LPCAT2: variants seen among roughly 807,000 people sequenced by gnomAD.
LPCAT2 encodes 1-AGP acyltransferase 11.
Under a neutral mutation model 64.7 loss-of-function variants are expected in LPCAT2, and 58 were observed. The observed-to-expected ratio is 0.90, with a 90% CI of 0.73 to 1.12. LPCAT2 has a LOEUF of 1.12. LPCAT2 is among the 50% of genes most tolerant of loss of function. The pLI is 0.00. For synonymous variants in LPCAT2, 252 were observed against 245.3 expected (o/e 1.03, Z -0.26); for missense variants, 579 against 669.8 (o/e 0.86, Z 1.50).
At chr16:55,515,247 T>C (rs201381503) in intron 1 of LPCAT2, among the ~76,000 whole-genome samples, 2 of 151,786 alleles carry the variant, frequency 1.3e-5, no homozygotes, top group Non-Finnish European at 1.5e-5. Flanking sequence ...TACCTATATA[T>C]AGTTACATTA....
At chr16:55,544,124 C>G (rs1851055666) in intron 8 of LPCAT2, among the ~76,000 whole-genome samples, 1 of 152,132 alleles carries the variant, frequency 6.6e-6, no homozygotes, top group Non-Finnish European at 1.5e-5. Flanking sequence ...GAAGTTACCA[C>G]TTAAAAACTT....
chr16:55,578,571 GT>G (rs1963854705), intron 12 of LPCAT2, among the ~76,000 whole-genome samples: 1 of 152,004 alleles, frequency 6.6e-6, no homozygotes, highest in East Asian at 1.9e-4. Context: ...CCTGCCTCTG[GT>G]TTTATCAACC....
At chr16:55,552,673 A>C (rs1963530766) in intron 11 of LPCAT2, among the ~76,000 whole-genome samples, 1 of 152,212 alleles carries the variant, frequency 6.6e-6, no homozygotes, top group African/African-American at 2.4e-5. Context: ...TATAATATAC[A>C]GTAGTCTAGT....
intron 11 of LPCAT2, chr16:55,567,500 C>T: frequency 6.2e-7 from 1 of 1,611,712 alleles, no homozygotes; most frequent in Admixed American, 1.7e-5. Context: ...CCATGTATTC[C>T]TGAAGTGGGA....
intron 11 of LPCAT2, among the ~76,000 whole-genome samples, chr16:55,566,053 G>A (rs184595756): frequency 1.3e-5 from 2 of 152,252 alleles, no homozygotes; most frequent in African/African-American, 2.4e-5. Flanking sequence ...TGAGATGTGT[G>A]CAGTCTGTGA....
intron 11 of LPCAT2, among the ~76,000 whole-genome samples, chr16:55,559,568 G>T (rs1462279814): frequency 6.6e-6 from 1 of 152,110 alleles, no homozygotes; most frequent in Non-Finnish European, 1.5e-5. Context: ...TGCTCATGCT[G>T]AGAGTTAGGA....
At chr16:55,544,607 G>T (rs886324590) in intron 8 of LPCAT2, among the ~76,000 whole-genome samples, 8 of 152,116 alleles carry the variant, frequency 5.3e-5, no homozygotes, top group African/African-American at 1.9e-4. Context: ...GTAACTATTG[G>T]CAAAATCTCA....
In LPCAT2 at chr16:55,537,517, A is replaced by G; in HGVS notation, c.798-61A>G. 2.3e-6 allele frequency: 3 copies of G among 1,303,510 alleles called. No individual in the cohort carries two copies. In the South Asian group the frequency reaches 3.8e-5, roughly 17 times the overall value. The allele number at this position is 1,303,510 out of a possible 1,614,324, so 80.7% of individuals were successfully genotyped here. ...TTTGTGTATAAAGAAATGATTGTTG[A>G]ATAATATAAGATGATACTTGCATGA... On this transcript the variant is annotated intron_variant, in intron 7 of 13. Coordinates refer to ENST00000262134, the MANE Select transcript of LPCAT2 (RefSeq NM_017839.5).
chr16:55,527,703 A>G (rs945545366), intron 2 of LPCAT2, among the ~76,000 whole-genome samples: 1 of 152,148 alleles, frequency 6.6e-6, no homozygotes, highest in African/African-American at 2.4e-5. Context: ...ATAATGGCAG[A>G]ATCTTTTTTA....
At chr16:55,530,810 AT>A (rs1171358543) in intron 4 of LPCAT2, among the ~76,000 whole-genome samples, 1 of 152,108 alleles carries the variant, frequency 6.6e-6, no homozygotes, top group Non-Finnish European at 1.5e-5. Context: ...AAATATATAA[AT>A]TTCAGCTCAT....
chr16:55,567,645 G>A, intron 11 of LPCAT2: 4 of 823,150 alleles, frequency 4.9e-6, no homozygotes, highest in Non-Finnish European at 7.7e-6. Flanking sequence ...CTGATCATGT[G>A]CTGCCTTTTA....
intron 8 of LPCAT2, among the ~76,000 whole-genome samples, chr16:55,544,247 G>C (rs1199220708): frequency 2.0e-5 from 3 of 152,152 alleles, no homozygotes; most frequent in East Asian, 3.9e-4. Flanking sequence ...GAAAAAAATG[G>C]TATTTTTAAC....
chr16:55,570,202 A>G (rs772793448), intron 11 of LPCAT2, among the ~76,000 whole-genome samples: 1 of 152,224 alleles, frequency 6.6e-6, no homozygotes, highest in African/African-American at 2.4e-5. Context: ...CTCTGTAACT[A>G]TGAACAGCAA....
At chr16:55,518,582 ATAT>A (rs1963046594) in intron 1 of LPCAT2, among the ~76,000 whole-genome samples, 1 of 152,248 alleles carries the variant, frequency 6.6e-6, no homozygotes, top group Admixed American at 6.5e-5. Context: ...CAAGACAGAC[ATAT>A]AGATCAATGA....
At chr16:55,541,791 T>C (rs1265988178) in intron 8 of LPCAT2, 12 of 1,067,634 alleles carry the variant, frequency 1.1e-5, no homozygotes, top group Non-Finnish European at 1.2e-5. Context: ...TGCTGGCACA[T>C]AGTAAGTGTT....
chr16:55,530,337 A>G (rs1963235162), intron 4 of LPCAT2, among the ~76,000 whole-genome samples: 1 of 152,070 alleles, frequency 6.6e-6, no homozygotes, highest in African/African-American at 2.4e-5. Flanking sequence ...GCTCAGTTAT[A>G]CTCAATATTG....
intron 9 of LPCAT2, 32 bp downstream of exon 9, chr16:55,545,849 A>G (rs775774996): frequency 6.6e-7 from 1 of 1,507,202 alleles, no homozygotes; most frequent in South Asian, 1.2e-5. Flanking sequence ...TAACTCATAA[A>G]TAATTTGAAA....
intron 9 of LPCAT2, among the ~76,000 whole-genome samples, chr16:55,546,818 A>G (rs1179321869): frequency 1.3e-5 from 2 of 152,262 alleles, no homozygotes; most frequent in African/African-American, 4.8e-5. Flanking sequence ...ATGCCAGCTT[A>G]TATCCAAAAG....
chr16:55,543,759 A>G (rs748692593), intron 8 of LPCAT2, among the ~76,000 whole-genome samples: 5 of 152,172 alleles, frequency 3.3e-5, no homozygotes, highest in Non-Finnish European at 7.4e-5. Flanking sequence ...GAGATCGTTT[A>G]GTTAAATTTT....
Sources: allele counts gnomAD v4.1 joint callset (sites outside exome capture counted in the v4.1 genomes callset), GRCh38; gene constraint gnomAD v4.1.1; transcripts MANE v1.5; gene names NCBI Gene and HGNC (gene_info 2026-07-23, HGNC 2026-07-21).